BARX2: variants seen among roughly 807,000 people sequenced by gnomAD.
BARX2 encodes BARX homeobox 2.
A neutral mutation model predicts 25.5 loss-of-function variants in BARX2; 11 were observed. The observed-to-expected ratio is 0.43, with a 90% CI of 0.27 to 0.71. The LOEUF (loss-of-function observed/expected upper bound fraction) is 0.71, where lower values mean the gene tolerates loss of function less well. Ranked by LOEUF, BARX2 falls within the 30% of genes least tolerant of loss-of-function variation. BARX2 has a pLI of 0.19. For synonymous variants in BARX2, 137 were observed against 149.5 expected (o/e 0.92, Z 0.61); for missense variants, 360 against 359.9 (o/e 1.00, Z 0.00).
At chr11:129,406,064 G>A (rs767476387) in intron 1 of BARX2, among the ~76,000 whole-genome samples, 1 of 152,022 alleles carries the variant, frequency 6.6e-6, no homozygotes, top group South Asian at 2.1e-4. Context: ...AAACATATTT[G>A]TTACCTACTG....
chr11:129,448,765 T>C (rs1028041313), intron 3 of BARX2, among the ~76,000 whole-genome samples: 2 of 152,246 alleles, frequency 1.3e-5, no homozygotes, highest in African/African-American at 2.4e-5. Context: ...TTCTTTCCCA[T>C]GTTCACAGCC....
intron 1 of BARX2, among the ~76,000 whole-genome samples, chr11:129,407,041 C>T (rs1055641876): frequency 6.6e-6 from 1 of 152,196 alleles, no homozygotes; most frequent in Non-Finnish European, 1.5e-5. Flanking sequence ...TGGGCACACA[C>T]CTCTGCTCTT....
At chr11:129,398,181 G>A (rs1861741549) in intron 1 of BARX2, among the ~76,000 whole-genome samples, 1 of 152,198 alleles carries the variant, frequency 6.6e-6, no homozygotes, top group Admixed American at 6.5e-5. Flanking sequence ...GTAGTTACGT[G>A]GTTTTGGACT....
rs550707749 is a variant in BARX2, at chr11:129,391,815, T to C, written c.187+15593T>C. ...ATTTTTGGGACTTTCTCTTTGCTGC[T>C]GCAGCCCCGACCGGTTTTCCCAGGG... On this transcript the variant is annotated intron_variant, in intron 1 of 3. Transcript: ENST00000281437. Among the ~76,000 whole-genome samples the C allele has an allele frequency of 2.2e-4, 34 of 152,336 alleles. No individual in the cohort carries two copies. In the East Asian group the frequency reaches 6.2e-3, roughly 28 times the overall value.
chr11:129,402,954 A>T (rs1861792894), intron 1 of BARX2, among the ~76,000 whole-genome samples: 1 of 152,262 alleles, frequency 6.6e-6, no homozygotes, highest in Non-Finnish European at 1.5e-5. Flanking sequence ...CAAACAGCAC[A>T]CAGTGAAGAA....
At chr11:129,422,651 T>C (rs963370031) in intron 1 of BARX2, among the ~76,000 whole-genome samples, 1 of 83,900 alleles carries the variant, frequency 1.2e-5, no homozygotes, top group Non-Finnish European at 2.7e-5. Flanking sequence ...TGTAGATCTC[T>C]TGTGTGTACA....
chr11:129,443,653 G>T (rs1054413487), intron 3 of BARX2, among the ~76,000 whole-genome samples: 1 of 152,174 alleles, frequency 6.6e-6, no homozygotes, highest in African/African-American at 2.4e-5. Context: ...CCTAGCTAAT[G>T]AATATTTCCA....
intron 1 of BARX2, among the ~76,000 whole-genome samples, chr11:129,418,333 C>T (rs1414693424): frequency 2.0e-5 from 3 of 152,154 alleles, no homozygotes; most frequent in Non-Finnish European, 4.4e-5. Context: ...TGTGGCTTGG[C>T]TCAGTTCTTT....
chr11:129,438,920 C>T (rs1295814790), intron 2 of BARX2, among the ~76,000 whole-genome samples: 3 of 152,124 alleles, frequency 2.0e-5, no homozygotes, highest in South Asian at 2.1e-4. Flanking sequence ...CAGGAAGTCC[C>T]GCACTGAGGG....
intron 1 of BARX2, among the ~76,000 whole-genome samples, chr11:129,403,748 T>C (rs1861801052): frequency 6.6e-6 from 1 of 152,158 alleles, no homozygotes. Context: ...AGAGACAGGA[T>C]CTCATTCTGT....
chr11:129,434,166 T>C (rs191041980), intron 1 of BARX2, among the ~76,000 whole-genome samples: 2 of 152,090 alleles, frequency 1.3e-5, no homozygotes, highest in East Asian at 3.9e-4. Flanking sequence ...TTTTACATCA[T>C]ATTTTTCTCA....
Position 129,451,820 on chromosome 11 carries a change from G to C in BARX2, c.*418G>C, listed in dbSNP as rs1862405491. 1 of 162,990 alleles carries C rather than the reference G, an allele frequency of 6.1e-6. No homozygotes were observed. Among genetic ancestry groups the C allele is most frequent in the Non-Finnish European group, 1.3e-5 (1 of 75,742 alleles). The allele number at this position is 162,990 out of a possible 1,614,324, so 10.1% of individuals were successfully genotyped here. Reference sequence around the variant, plus strand: ...TGGCGGCATGTGGGCAGCATGCCCAGGTTCCTTGCTGACTCAGCACTTATT... The same window carrying C: ...TGGCGGCATGTGGGCAGCATGCCCACGTTCCTTGCTGACTCAGCACTTATT... On this transcript the variant is annotated 3_prime_UTR_variant, in exon 4 of 4. Transcript: ENST00000281437.
intron 1 of BARX2, among the ~76,000 whole-genome samples, chr11:129,395,677 G>A (rs761259611): frequency 1.3e-5 from 2 of 152,094 alleles, no homozygotes; most frequent in African/African-American, 4.8e-5. Context: ...CTCAGTGCTG[G>A]TCAGCTCTGC....
chr11:129,394,265 T>C (rs1861695817), intron 1 of BARX2, among the ~76,000 whole-genome samples: 1 of 152,238 alleles, frequency 6.6e-6, no homozygotes, highest in African/African-American at 2.4e-5. Context: ...AGTGTGTACA[T>C]AAACCATACT....
intron 1 of BARX2, among the ~76,000 whole-genome samples, chr11:129,434,421 TAAAAA>T (rs56344103): frequency 0.12 from 8,993 of 76,564 alleles, 339 homozygotes; most frequent in East Asian, 0.2. Context: ...AAAAAGTAAG[TAAAAA>T]AAAAAAAAAA....
At chr11:129,402,304 G>T (rs1400136620) in intron 1 of BARX2, among the ~76,000 whole-genome samples, 1 of 148,850 alleles carries the variant, frequency 6.7e-6, no homozygotes, top group African/African-American at 2.4e-5. Flanking sequence ...TAGACACACT[G>T]AGCATTTGTT....
upstream of BARX2, among the ~76,000 whole-genome samples, chr11:129,375,333 G>T (rs1493538): frequency 0.3 from 45,984 of 151,968 alleles, 7,761 homozygotes; most frequent in Middle Eastern, 0.42. This position sits in a 1 kb window ranked among gnomAD's most constrained non-coding sequence, Gnocchi z 4.0. Flanking sequence ...GTCCTCGGGG[G>T]CACTGGCTCT....
In BARX2 at chr11:129,395,006, G is replaced by A. The variant is rs372399539; in HGVS notation, c.187+18784G>A. Among the ~76,000 whole-genome samples the A allele has an allele frequency of 1.1e-4, 16 of 150,718 alleles. 1 individual carries two copies. The highest frequency in any genetic ancestry group is 3.9e-4 in the East Asian group (2 of 5,150). On this transcript the variant is annotated intron_variant, in intron 1 of 3. Coordinates refer to ENST00000281437, the MANE Select transcript of BARX2 (RefSeq NM_003658.5). ...TTAAATTGCTCAACCAAGATCACTC[G>A]GAGGCTTGCAATGCCTTTGAAATAC...
At chr11:129,446,926 A>T (rs1862337162) in intron 3 of BARX2, among the ~76,000 whole-genome samples, 1 of 152,212 alleles carries the variant, frequency 6.6e-6, no homozygotes, top group Admixed American at 6.5e-5. Flanking sequence ...GAGACAGAGA[A>T]AAAGGAACAA....
Sources: allele counts gnomAD v4.1 joint callset (sites outside exome capture counted in the v4.1 genomes callset), GRCh38; gene constraint gnomAD v4.1.1; non-coding constraint Gnocchi (gnomAD v3.1); transcripts MANE v1.5; gene names NCBI Gene and HGNC (gene_info 2026-07-23, HGNC 2026-07-21).